Variants in PALMD observed in about 807,000 individuals in gnomAD.
The protein encoded by PALMD is paralemmin-like protein.
PALMD carries 42 observed loss-of-function variants against 56.2 expected under a neutral mutation model. The observed-to-expected ratio is 0.75, with a 90% confidence interval of 0.58 to 0.97. The LOEUF is 0.97. Ranked by LOEUF, PALMD falls within the 50% of genes least tolerant of loss-of-function variation. The pLI is 0.00. For synonymous variants in PALMD, 242 were observed against 222.9 expected (o/e 1.09, Z -0.76); for missense variants, 660 against 643.8 (o/e 1.03, Z -0.27).
At chr1:99,673,083 A>G (rs1481246095) in intron 3 of PALMD, among the ~76,000 whole-genome samples, 2 of 152,172 alleles carry the variant, frequency 1.3e-5, no homozygotes, top group South Asian at 2.1e-4. Flanking sequence ...AAATTCCTCC[A>G]CAAAAGGAGC....
intron 3 of PALMD, among the ~76,000 whole-genome samples, chr1:99,675,449 A>G (rs551441918): frequency 9.2e-5 from 14 of 152,332 alleles, no homozygotes; most frequent in Non-Finnish European, 1.0e-4. Context: ...TTAACTTGCC[A>G]TGTCCTGGCC....
intron 1 of PALMD, among the ~76,000 whole-genome samples, chr1:99,654,046 TA>T (rs1485075978): frequency 6.6e-6 from 1 of 151,710 alleles, no homozygotes; most frequent in African/African-American, 2.4e-5. Flanking sequence ...TGGAAAGCAA[TA>T]AGGAAGAAAG....
chr1:99,655,053 G>C (rs1652687514), intron 1 of PALMD, among the ~76,000 whole-genome samples: 1 of 152,104 alleles, frequency 6.6e-6, no homozygotes, highest in African/African-American at 2.4e-5. Context: ...TCAATAGTTA[G>C]AGAAACTATA....
intron 1 of PALMD, among the ~76,000 whole-genome samples, chr1:99,655,058 A>G (rs1353776800): frequency 6.6e-6 from 1 of 152,204 alleles, no homozygotes; most frequent in South Asian, 2.1e-4. Flanking sequence ...AGTTAGAGAA[A>G]CTATACAGAT....
At chr1:99,690,189 A>G in intron 7 of PALMD, 1 of 378,052 alleles carries the variant, frequency 2.6e-6, no homozygotes, top group Non-Finnish European at 4.7e-6. Flanking sequence ...TGGATCATCA[A>G]TAACATATCT....
intron 3 of PALMD, among the ~76,000 whole-genome samples, chr1:99,672,230 G>C (rs1297660158): frequency 2.0e-5 from 3 of 152,110 alleles, no homozygotes; most frequent in Admixed American, 6.5e-5. Context: ...TACATTCTTA[G>C]CTTTCAAACA....
At chr1:99,646,402 T>C in intron 1 of PALMD, 40 bp downstream of exon 1, 1 of 1,527,748 alleles carries the variant, frequency 6.5e-7, no homozygotes, top group Non-Finnish European at 9.1e-7. Flanking sequence ...ACGTTGTTAC[T>C]TAGAGGAAGG....
chr1:99,690,574 A>C (rs1653633217), intron 7 of PALMD, among the ~76,000 whole-genome samples: 1 of 152,160 alleles, frequency 6.6e-6, no homozygotes, highest in Non-Finnish European at 1.5e-5. Flanking sequence ...GTGGAAAATA[A>C]CTTTAACACT....
At chr1:99,662,760 AAAGGC>A (rs1652874248) in intron 2 of PALMD, among the ~76,000 whole-genome samples, 1 of 152,196 alleles carries the variant, frequency 6.6e-6, no homozygotes, top group African/African-American at 2.4e-5. Flanking sequence ...GAAATCAATG[AAAGGC>A]CAGTCATTCC....
chr1:99,674,166 C>T (rs945657828), intron 3 of PALMD, among the ~76,000 whole-genome samples: 4 of 152,092 alleles, frequency 2.6e-5, no homozygotes, highest in African/African-American at 9.7e-5. Flanking sequence ...CCTTTTATTT[C>T]CTTATCCCGA....
intron 3 of PALMD, among the ~76,000 whole-genome samples, chr1:99,675,072 G>T (rs538333788): frequency 6.6e-6 from 1 of 151,688 alleles, no homozygotes; most frequent in Admixed American, 6.6e-5. Context: ...TCTGATTCTT[G>T]TTGGTTATTC....
intron 6 of PALMD, among the ~76,000 whole-genome samples, chr1:99,688,211 C>T (rs376068475): frequency 1.5e-4 from 23 of 152,174 alleles, no homozygotes; most frequent in African/African-American, 4.8e-4. Flanking sequence ...TTCTCCCTCC[C>T]GTTTCCATCC....
chr1:99,655,197 A>G (rs1359450220), intron 1 of PALMD, among the ~76,000 whole-genome samples: 1 of 152,140 alleles, frequency 6.6e-6, no homozygotes, highest in East Asian at 1.9e-4. Flanking sequence ...AAAAACAATT[A>G]CTCAGCATCT....
Position 99,689,829 on chromosome 1 carries a change from T to A in PALMD, c.1569T>A (p.Asp523Glu). 3.1e-6 allele frequency: 5 copies of A among 1,612,524 alleles called. No individual in the cohort carries two copies. Among genetic ancestry groups the A allele is most frequent in the African/African-American group, 1.3e-5 (1 of 74,952 alleles). Residue 523 changes from aspartate to glutamate, a missense_variant, in exon 7 of 8, where the codon GAT becomes GAA. Coordinates refer to ENST00000263174, the MANE Select transcript of PALMD (RefSeq NM_017734.5). ...LGSPVHHSPF[D>E]AQTTGDGTED... is the part of the protein sequence containing the mutation. Reference sequence around the variant, plus strand: ...GCCCTGTCCACCATTCCCCATTTGATGCTCAGACAACTGGAGATGGGACTG... The same window carrying A: ...GCCCTGTCCACCATTCCCCATTTGAAGCTCAGACAACTGGAGATGGGACTG...
rs1186053464 is a variant in PALMD at position 99,689,414 on chromosome 1, C to T, written c.1154C>T (p.Ser385Leu). The change falls in exon 7 of 8, where the codon TCA becomes TTA. Residue 385 changes from serine to leucine, a missense_variant. Transcript: ENST00000263174. Reference protein sequence around the residue: ...IFGKSEHQNSSPTCQEDEEDV... With the variant: ...IFGKSEHQNSLPTCQEDEEDV... The stretch of plus-strand genomic sequence containing the variant: ...GGGAAATCTGAACACCAGAATTCTT[C>T]ACCCACTTGTCAGGAGGACGAGGAA... 1 of 1,613,664 alleles carries T rather than the reference C, an allele frequency of 6.2e-7. No individual in the cohort carries two copies. The highest frequency in any genetic ancestry group is 1.7e-5 in the Admixed American group (1 of 59,906).
chr1:99,688,275 A>G (rs1653559579), intron 6 of PALMD, among the ~76,000 whole-genome samples: 1 of 152,118 alleles, frequency 6.6e-6, no homozygotes, highest in African/African-American at 2.4e-5. Context: ...ACACACCTCT[A>G]TAATTTCACC....
At chr1:99,691,945 G>A (rs953828047) in intron 7 of PALMD, among the ~76,000 whole-genome samples, 1 of 152,152 alleles carries the variant, frequency 6.6e-6, no homozygotes. Context: ...GGAAAAAGGT[G>A]GACCCTGGAG....
Position 99,662,319 on chromosome 1 carries a change from G to T in PALMD, c.46G>T (p.Asp16Tyr). The T allele has an allele frequency of 6.7e-7, 1 of 1,490,328 alleles. No individual in the cohort carries two copies. Among genetic ancestry groups the T allele is most frequent in the Non-Finnish European group, 9.3e-7 (1 of 1,076,786 alleles). The allele number at this position is 1,490,328 out of a possible 1,614,324, so 92.3% of individuals were successfully genotyped here. A position where few individuals can be genotyped will look rare whatever the true frequency, so the allele number is the denominator to read the frequency against. The stretch of plus-strand genomic sequence containing the variant: ...ATATACTGGAACTTTTTTATTTCAG[G>T]ATAAAAGAAAAATACAGGAAGAAAT... ...LVKGRLQAIT[D>Y]KRKIQEEISQ... The change falls in exon 2 of 8, where the codon GAT becomes TAT. Residue 16 changes from aspartate (D) to tyrosine (Y), a missense_variant and splice_region_variant. By Grantham distance (160) the Asp-to-Tyr change is radical. Coordinates refer to ENST00000263174, the MANE Select transcript of PALMD (RefSeq NM_017734.5).
In PALMD at chr1:99,686,939, G is replaced by C; in HGVS notation, c.376G>C (p.Val126Leu). The C allele has an allele frequency of 1.9e-6, 3 of 1,577,316 alleles. No homozygotes were observed. Among genetic ancestry groups the C allele is most frequent in the Non-Finnish European group, 2.6e-6 (3 of 1,150,292 alleles). Residue 126 changes from valine to leucine, a missense_variant, in exon 5 of 8, where the codon GTG becomes CTG. Transcript: ENST00000263174. The part of the protein sequence containing the change: ...TTEDIIRSVK[V>L]EREERAEESI... Reference sequence around the variant, plus strand: ...TTCTTTTTTCTTACAGTCTGTGAAAGTGGAAAGAGAAGAAAGAGCAGAAGG... The same window carrying C: ...TTCTTTTTTCTTACAGTCTGTGAAACTGGAAAGAGAAGAAAGAGCAGAAGG...
Sources: allele counts gnomAD v4.1 joint callset (sites outside exome capture counted in the v4.1 genomes callset), GRCh38; gene constraint gnomAD v4.1.1; transcripts MANE v1.5; gene names NCBI Gene and HGNC (gene_info 2026-07-23, HGNC 2026-07-21).